The following SPOCK2 variants were observed in gnomAD, a reference collection of about 807,000 sequenced individuals.
The protein encoded by SPOCK2 is testican-2.
Under a neutral mutation model 60.1 loss-of-function variants are expected in SPOCK2, and 39 were observed. The observed-to-expected ratio is 0.65, with a 90% CI of 0.50 to 0.85. SPOCK2 has a LOEUF of 0.85. SPOCK2 is among the 40% of genes least tolerant of loss of function. SPOCK2 has a pLI of 0.00. For synonymous variants in SPOCK2, 217 were observed against 231.5 expected (o/e 0.94, Z 0.57); for missense variants, 523 against 567.4 (o/e 0.92, Z 0.80).
rs758413664 is a variant in SPOCK2 at position 72,064,188 on chromosome 10, C to T, written c.981G>A (p.Lys327=). The change falls in exon 9 of 11, where the codon AAG becomes AAA. Residue 327 remains lysine (K), a synonymous_variant. Coordinates refer to ENST00000373109, the MANE Select transcript of SPOCK2 (RefSeq NM_001244950.2). ...GGTCTGGCCCCTCACCTGGCTTCTT[C>T]TTGGCGGCCTCCTGGATCTGGATGC... ...LERIQIQEAA[K]KKPGIFIPSC... is the part of the protein sequence containing the mutation. 18 of 1,612,060 alleles carry T rather than the reference C, an allele frequency of 1.1e-5. No homozygotes were observed. The highest frequency in any genetic ancestry group is 5.9e-6 in the Non-Finnish European group (7 of 1,179,458).
intron 7 of SPOCK2, 143 bp downstream of exon 7, chr10:72,067,470 G>T: frequency 7.0e-7 from 1 of 1,418,926 alleles, no homozygotes. Flanking sequence ...ACTTCTTTGG[G>T]GTGAAGGTTC....
chr10:72,078,341 A>G lies in SPOCK2; in HGVS notation c.190-5431T>C, dbSNP rs187921949. 1.1e-3 allele frequency among the ~76,000 whole-genome samples: 165 copies of G among 152,044 alleles called. 1 individual carries two copies. The highest frequency in any genetic ancestry group is 2.1e-3 in the African/African-American group (87 of 41,488). On this transcript the variant is annotated intron_variant, in intron 1 of 10. Transcript: ENST00000373109. ...ACCCTGGATAACACGGTAAAACCCC[A>G]TCTCTACTAAAAATACAAAAATAGC...
chr10:72,062,800 CCCT>C lies in SPOCK2; in HGVS notation c.1232_1234del (p.Glu411del), dbSNP rs752413849. ...CCCGTCGTCAGCCTCGCCTGCCTCGCCCTCCTCCTCCTCGGCCTCCTCGCCTGC... is the reference window on the plus strand; with the variant it reads ...CCCGTCGTCAGCCTCGCCTGCCTCGCCCTCCTCCTCGGCCTCCTCGCCTGC... On this transcript the variant is annotated inframe_deletion, in exon 11 of 11. Coordinates refer to ENST00000373109, the MANE Select transcript of SPOCK2 (RefSeq NM_001244950.2). The surrounding 1 kb of genome is among the most constrained non-coding windows in gnomAD (Gnocchi z 4.3). 15 of 1,609,002 alleles carry C rather than the reference CCCT, an allele frequency of 9.3e-6. No homozygotes were observed. The highest frequency in any genetic ancestry group is 4.5e-5 in the East Asian group (2 of 44,850).
At chr10:72,072,855 T>C (rs775698970) in intron 2 of SPOCK2, 47 bp downstream of exon 2, 3 of 1,551,034 alleles carry the variant, frequency 1.9e-6, no homozygotes, top group South Asian at 2.4e-5. Flanking sequence ...GGGGAGGGGG[T>C]GTGCTCTGCA....
chr10:72,086,704 C>T (rs1258898119), intron 1 of SPOCK2: 1 of 1,351,802 alleles, frequency 7.4e-7, no homozygotes, highest in Non-Finnish European at 9.6e-7. Flanking sequence ...GATCAGCAGC[C>T]CATCGCGGGG....
intron 1 of SPOCK2, among the ~76,000 whole-genome samples, chr10:72,081,326 A>G (rs923933396): frequency 6.6e-6 from 1 of 152,248 alleles, no homozygotes; most frequent in Non-Finnish European, 1.5e-5. Context: ...GCCCTGTGCC[A>G]GGGGACAAGG....
At chr10:72,086,725 C>A in intron 1 of SPOCK2, 1 of 1,394,314 alleles carries the variant, frequency 7.2e-7, no homozygotes, top group South Asian at 1.4e-5. Flanking sequence ...CCCGGCCACT[C>A]AGCCTGGAGA....
intron 1 of SPOCK2, among the ~76,000 whole-genome samples, chr10:72,084,445 G>A (rs1840829222): frequency 6.6e-6 from 1 of 152,200 alleles, no homozygotes; most frequent in Non-Finnish European, 1.5e-5. Context: ...TGGGTGGAGA[G>A]CTGCCTCTGG....
At chr10:72,066,872 G>A (rs1840575111) in intron 8 of SPOCK2, 30 bp downstream of exon 8, 3 of 1,612,790 alleles carry the variant, frequency 1.9e-6, no homozygotes, top group East Asian at 2.2e-5. Context: ...CACGGGTGAG[G>A]CAGGGGCCTG....
chr10:72,066,314 A>G (rs750823237), intron 8 of SPOCK2, among the ~76,000 whole-genome samples: 9 of 149,516 alleles, frequency 6.0e-5, no homozygotes, highest in Non-Finnish European at 1.3e-4. Context: ...GAAAGTTTAC[A>G]TTCGTTATTT....
chr10:72,069,187 C>T, intron 5 of SPOCK2: 1 of 161,152 alleles, frequency 6.2e-6, no homozygotes, highest in Non-Finnish European at 1.3e-5. Context: ...CCAGCTCTGC[C>T]AGCTCCCCTG....
intron 9 of SPOCK2, among the ~76,000 whole-genome samples, chr10:72,063,490 A>G (rs558454442): frequency 2.2e-4 from 33 of 151,952 alleles, no homozygotes; most frequent in African/African-American, 6.0e-4. Flanking sequence ...CAGGTTTGAC[A>G]CTCTCCATCC....
In SPOCK2 at chr10:72,087,570, G is replaced by C. The variant is rs1840878150; in HGVS notation, c.189+570C>G. On this transcript the variant is annotated intron_variant, in intron 1 of 10. Coordinates refer to ENST00000373109, the MANE Select transcript of SPOCK2 (RefSeq NM_001244950.2). This position sits in a 1 kb window ranked among gnomAD's most constrained non-coding sequence, Gnocchi z 4.7. ...CGCCTTCCACCATCTCGCCTAGAAG[G>C]CTGCTGGGACCCCAGACCCAGAGCC... is the stretch of plus-strand genomic sequence containing the variant. 6.6e-6 allele frequency among the ~76,000 whole-genome samples: 1 copy of C among 152,120 alleles called. No homozygotes were observed. The highest frequency in any genetic ancestry group is 1.5e-5 in the Non-Finnish European group (1 of 68,004).
chr10:72,067,382 C>T (rs983330989), intron 7 of SPOCK2, among the ~76,000 whole-genome samples: 19 of 152,202 alleles, frequency 1.2e-4, no homozygotes, highest in African/African-American at 4.6e-4. Flanking sequence ...CTACCCATGT[C>T]AGGGTTTAAG....
At position 72,067,082 on chromosome 10, in the gene SPOCK2, T is replaced by C. The variant is rs370761258; in HGVS notation, c.748A>G (p.Ile250Val). The C allele has an allele frequency of 8.9e-5, 143 of 1,614,160 alleles. 1 individual carries two copies. In the Middle Eastern group the frequency reaches 7.4e-3, roughly 84 times the overall value. ...TCCAGCTTGGAGAACATCCAGCCAA[T>C]GGAGTCCTTGCAGCTGGCCCCCAGG... The part of the protein sequence containing the change: ...KSLGASCKDS[I>V]GWMFSKLDTS... Residue 250 changes from isoleucine to valine, a missense_variant, in exon 8 of 11, where the codon ATT becomes GTT. By Grantham distance (29) the Ile-to-Val change is conservative. Transcript: ENST00000373109.
At chr10:72,081,222 T>A (rs1362582533) in intron 1 of SPOCK2, among the ~76,000 whole-genome samples, 1 of 152,142 alleles carries the variant, frequency 6.6e-6, no homozygotes, top group African/African-American at 2.4e-5. Context: ...TGCTTCTGAG[T>A]CTCCAGGATT....
At chr10:72,065,877 T>C (rs1218968073) in intron 8 of SPOCK2, among the ~76,000 whole-genome samples, 1 of 152,206 alleles carries the variant, frequency 6.6e-6, no homozygotes, top group East Asian at 1.9e-4. Flanking sequence ...AAGATAGGTA[T>C]TGTTATTTCC....
chr10:72,073,035 GC>G, intron 1 of SPOCK2, 125 bp from the exon 2 acceptor site: 1 of 1,345,596 alleles, frequency 7.4e-7, no homozygotes. Flanking sequence ...ATGTGGCCGA[GC>G]AATGGCCTTC....
chr10:72,066,732 G>A (rs1840573225), intron 8 of SPOCK2, among the ~76,000 whole-genome samples, 170 bp downstream of exon 8: 1 of 152,156 alleles, frequency 6.6e-6, no homozygotes, highest in African/African-American at 2.4e-5. Context: ...GGCTTCCCTG[G>A]GCCTTAAGGG....
Sources: allele counts gnomAD v4.1 joint callset (sites outside exome capture counted in the v4.1 genomes callset), GRCh38; gene constraint gnomAD v4.1.1; non-coding constraint Gnocchi (gnomAD v3.1); transcripts MANE v1.5; gene names NCBI Gene and HGNC (gene_info 2026-07-23, HGNC 2026-07-21).